COX16: variants seen among roughly 807,000 people sequenced by gnomAD.
The protein encoded by COX16 is cytochrome c oxidase assembly factor COX16, also known as cytochrome c oxidase assembly protein COX16 homolog, mitochondrial.
Under a neutral mutation model 15.4 loss-of-function variants are expected in COX16, and 12 were observed. The ratio of observed to expected loss-of-function variants is 0.78; its 90% CI spans 0.50 to 1.26. The LOEUF is 1.26. Among genes scored for constraint, COX16 ranks in the 50% most tolerant of loss-of-function variants. COX16 has a pLI of 0.00. For missense variants in COX16, 124 were observed against 127.6 expected (o/e 0.97, Z 0.14); for synonymous variants, 46 against 41.1 (o/e 1.12, Z -0.46).
chr14:70,339,443 A>C (rs759726320), intron 2 of COX16, among the ~76,000 whole-genome samples: 1 of 152,180 alleles, frequency 6.6e-6, no homozygotes, highest in Non-Finnish European at 1.5e-5. Context: ...AAAAATCAGG[A>C]CTGTCTCAAG....
At chr14:70,343,827 T>A (rs1886694489) in intron 1 of COX16, among the ~76,000 whole-genome samples, 1 of 152,238 alleles carries the variant, frequency 6.6e-6, no homozygotes, top group Non-Finnish European at 1.5e-5. Flanking sequence ...AGAGCTGATT[T>A]ATCAAGACAG....
intron 1 of COX16, chr14:70,359,153 A>G (rs1887219381): frequency 4.3e-6 from 2 of 465,388 alleles, no homozygotes; most frequent in Admixed American, 4.7e-5. Context: ...AAGCAAGCTT[A>G]GTAATCATCC....
chr14:70,344,953 CTCA>C (rs1188214686), intron 1 of COX16, among the ~76,000 whole-genome samples: 3 of 152,296 alleles, frequency 2.0e-5, no homozygotes, highest in African/African-American at 7.2e-5. Flanking sequence ...CACCCACGCG[CTCA>C]TCAAAACAGC....
In COX16 at chr14:70,349,268, C is replaced by T. The variant is rs184020305; in HGVS notation, c.70-6539G>A. On this transcript the variant is annotated intron_variant, in intron 1 of 3. Transcript: ENST00000389912. ...CCACCGCCTTTTCCTACCCACCAAG[C>T]CCGGGGCCAGATACCCAGGCACGAT... Among the ~76,000 whole-genome samples, 559 of 152,320 alleles carry T rather than the reference C, an allele frequency of 3.7e-3. 2 individuals are homozygous for T. Among genetic ancestry groups the T allele is most frequent in the Non-Finnish European group, 5.1e-3 (347 of 68,022 alleles).
chr14:70,327,130 T>G (rs1345216275), intron 3 of COX16, among the ~76,000 whole-genome samples: 2 of 151,506 alleles, frequency 1.3e-5, no homozygotes, highest in Non-Finnish European at 3.0e-5. Context: ...CTGTTTTGGT[T>G]GTTCTGAAAT....
chr14:70,355,136 C>A (rs1286803178), intron 1 of COX16, among the ~76,000 whole-genome samples: 1 of 152,168 alleles, frequency 6.6e-6, no homozygotes, highest in Non-Finnish European at 1.5e-5. Context: ...AGAAAAATTT[C>A]TCAAATGAGT....
Position 70,330,096 on chromosome 14 carries a change from C to G in COX16, c.142-860G>C, listed in dbSNP as rs572759956. On this transcript the variant is annotated intron_variant, in intron 2 of 3. Coordinates refer to ENST00000389912, the MANE Select transcript of COX16 (RefSeq NM_016468.7). ...GCAATGAGTCCTCAGACTGAAAGAA[C>G]ATCATAAGAAATAAGCACAACAAAA... 7.2e-5 allele frequency among the ~76,000 whole-genome samples: 11 copies of G among 152,048 alleles called. No homozygotes were observed. The South Asian group carries it at 2.1e-3, about 29-fold the overall frequency.
At chr14:70,330,798 G>GCA (rs1422948500) in intron 2 of COX16, among the ~76,000 whole-genome samples, 13 of 152,256 alleles carry the variant, frequency 8.5e-5, no homozygotes, top group Admixed American at 6.5e-5. Flanking sequence ...GTCAATATTT[G>GCA]ATGATTGCAC....
intron 1 of COX16, among the ~76,000 whole-genome samples, chr14:70,346,386 C>T (rs1274891515): frequency 1.3e-5 from 2 of 152,248 alleles, no homozygotes; most frequent in African/African-American, 2.4e-5. Context: ...CAACCTACCT[C>T]CACTTGGCAC....
At chr14:70,339,816 T>C (rs1886570628) in intron 2 of COX16, among the ~76,000 whole-genome samples, 1 of 152,142 alleles carries the variant, frequency 6.6e-6, no homozygotes, top group South Asian at 2.1e-4. Context: ...GGCCTCTAAA[T>C]GTCATAAGCC....
chr14:70,355,734 A>G (rs1444643879), intron 1 of COX16, among the ~76,000 whole-genome samples: 2 of 152,202 alleles, frequency 1.3e-5, no homozygotes, highest in Non-Finnish European at 2.9e-5. Context: ...CAGGAAAATA[A>G]CTTTACTCAA....
chr14:70,343,313 A>G lies in COX16; in HGVS notation c.70-584T>C, dbSNP rs1211776755. 3.3e-5 allele frequency among the ~76,000 whole-genome samples: 5 copies of G among 152,256 alleles called. No homozygotes were observed. The East Asian group carries it at 9.6e-4, about 29-fold the overall frequency. On this transcript the variant is annotated intron_variant, in intron 1 of 3. Coordinates refer to ENST00000389912, the MANE Select transcript of COX16 (RefSeq NM_016468.7). Reference sequence around the variant, plus strand: ...CTATACTCATTGCCCATATTGCAGAATGGAGCTCTCTCAACTTCTGGTTCT... The same window carrying G: ...CTATACTCATTGCCCATATTGCAGAGTGGAGCTCTCTCAACTTCTGGTTCT...
chr14:70,332,346 G>A (rs933661273), intron 2 of COX16, among the ~76,000 whole-genome samples: 2 of 152,210 alleles, frequency 1.3e-5, no homozygotes, highest in Non-Finnish European at 2.9e-5. Flanking sequence ...TGTCACAGCA[G>A]ATCCTGAGGG....
At chr14:70,355,360 T>C (rs1037978427) in intron 1 of COX16, among the ~76,000 whole-genome samples, 1 of 152,232 alleles carries the variant, frequency 6.6e-6, no homozygotes, top group African/African-American at 2.4e-5. Flanking sequence ...TTTCCTCCTG[T>C]ATACCTCAAC....
At chr14:70,328,590 T>C (rs949494785) in intron 3 of COX16, among the ~76,000 whole-genome samples, 1 of 144,844 alleles carries the variant, frequency 6.9e-6, no homozygotes, top group African/African-American at 2.6e-5. Context: ...TTATGATAAA[T>C]TGAGCATCTC....
chr14:70,342,234 C>A (rs939073126), intron 2 of COX16, among the ~76,000 whole-genome samples: 5 of 152,156 alleles, frequency 3.3e-5, no homozygotes, highest in Non-Finnish European at 7.4e-5. Context: ...CATTTGAGGT[C>A]AGGAGTTCAA....
intron 1 of COX16, among the ~76,000 whole-genome samples, chr14:70,349,308 C>T (rs188757215): frequency 3.9e-4 from 60 of 152,360 alleles, no homozygotes; most frequent in African/African-American, 1.2e-3. Context: ...AAGTAAACTT[C>T]ACTCACATGC....
chr14:70,359,445 T>C (rs1368164466), intron 1 of COX16, 74 bp downstream of exon 1: 4 of 1,342,038 alleles, frequency 3.0e-6, no homozygotes, highest in African/African-American at 1.4e-5. Context: ...ATTTTACAGA[T>C]TCCCTCCCAG....
At chr14:70,355,657 A>G (rs1312562785) in intron 1 of COX16, among the ~76,000 whole-genome samples, 1 of 152,252 alleles carries the variant, frequency 6.6e-6, no homozygotes, top group African/African-American at 2.4e-5. Context: ...AGACTTAAAT[A>G]GGATATCATT....
Sources: allele counts gnomAD v4.1 joint callset (sites outside exome capture counted in the v4.1 genomes callset), GRCh38; gene constraint gnomAD v4.1.1; transcripts MANE v1.5; gene names NCBI Gene and HGNC (gene_info 2026-07-23, HGNC 2026-07-21).